TRIML2: variants seen among roughly 807,000 people sequenced by gnomAD.
TRIML2 encodes the protein tripartite motif family like 2.
A neutral mutation model predicts 31.2 loss-of-function variants in TRIML2; 28 were observed. The observed-to-expected ratio is 0.90, with a 90% CI of 0.66 to 1.23. TRIML2 has a LOEUF of 1.23. Ranked by LOEUF, TRIML2 falls within the 50% of genes most tolerant of loss-of-function variation. The pLI, the probability that TRIML2 is intolerant of heterozygous loss-of-function variation, is 0.00. For missense variants in TRIML2, 536 were observed against 528.3 expected (o/e 1.01, Z -0.14); for synonymous variants, 187 against 197.5 (o/e 0.95, Z 0.45).
At position 188,098,123 on chromosome 4, in the gene TRIML2, G is replaced by GGGC. The variant is rs1553995259; in HGVS notation, c.622-778_622-777insGCC. ...AGATAGAGCGAGACTCCGTCTCGGG[G>GGGC]AAAAAAAAAAAAAAAAAGGTAACCC... On this transcript the variant is annotated intron_variant, in intron 5 of 7. Transcript: ENST00000682553. The GGGC allele has an allele frequency of 1.7e-3, 357 of 209,474 alleles. 2 individuals are homozygous for GGGC. The highest frequency in any genetic ancestry group is 9.3e-3 in the African/African-American group (336 of 36,212). The allele number at this position is 209,474 out of a possible 1,614,324, so 13.0% of individuals were successfully genotyped here.
chr4:188,103,523 G>A (rs1298892007), intron 3 of TRIML2, among the ~76,000 whole-genome samples: 2 of 151,936 alleles, frequency 1.3e-5, no homozygotes, highest in Admixed American at 6.6e-5. Context: ...GCAGCCTCCA[G>A]GCCTTTCCTC....
chr4:188,106,713 AC>A, intron 1 of TRIML2: 1 of 171,868 alleles, frequency 5.8e-6, no homozygotes, highest in Non-Finnish European at 1.3e-5. Flanking sequence ...GGGCGAGGCC[AC>A]CCTGGACCAG....
intron 1 of TRIML2, chr4:188,106,852 G>A (rs1016749970): frequency 1.5e-5 from 4 of 261,988 alleles, no homozygotes; most frequent in Non-Finnish European, 3.2e-5. Context: ...TGAGCCGCGG[G>A]TGCGGTACCA....
intron 4 of TRIML2, among the ~76,000 whole-genome samples, chr4:188,099,456 C>T (rs1401623748): frequency 6.6e-6 from 1 of 151,688 alleles, no homozygotes; most frequent in African/African-American, 2.4e-5. Flanking sequence ...CCCAGCTACT[C>T]AGGAGGCTGA....
At chr4:188,100,394 T>G (rs1428655373) in intron 4 of TRIML2, among the ~76,000 whole-genome samples, 1 of 152,174 alleles carries the variant, frequency 6.6e-6, no homozygotes, top group African/African-American at 2.4e-5. Context: ...AGTAAACAGC[T>G]GGCTCAGATA....
intron 3 of TRIML2, among the ~76,000 whole-genome samples, chr4:188,102,113 G>A (rs1268582967): frequency 8.4e-5 from 12 of 143,072 alleles, no homozygotes; most frequent in African/African-American, 3.1e-4. Flanking sequence ...CTGGGCGACA[G>A]AGGGAGACTC....
Position 188,107,623 on chromosome 4 carries a change from T to A in TRIML2, c.-223+1620A>T, listed in dbSNP as rs143135604. Among the ~76,000 whole-genome samples, 543 of 152,370 alleles carry A rather than the reference T, an allele frequency of 3.6e-3. 6 individuals carry two copies. Among genetic ancestry groups the A allele is most frequent in the African/African-American group, 0.012 (518 of 41,586 alleles). On this transcript the variant is annotated intron_variant, in intron 1 of 7. Coordinates refer to ENST00000682553, the MANE Select transcript of TRIML2 (RefSeq NM_173553.4). ...AACTTTTGGATCATTGCCCACTGGC[T>A]GGGTGAGAAATAGTGTATTCATATA...
chr4:188,105,227 T>G lies in TRIML2; in HGVS notation c.142A>C (p.Lys48Gln). The change falls in exon 2 of 8, where the codon AAA becomes CAA. Residue 48 changes from lysine to glutamine, a missense_variant. Physicochemically the swap from Lys to Gln is moderately conservative, Grantham distance 53. Coordinates refer to ENST00000682553, the MANE Select transcript of TRIML2 (RefSeq NM_173553.4). ...CSKCFQSQEHKHHMVCGIQEA... is the reference protein window; with the variant it reads ...CSKCFQSQEHQHHMVCGIQEA... ...TGTATCCCACACACCATGTGATGTT[T>G]GTGCTCCTGGGACTGGAAGCATTTG... 5 of 1,611,168 alleles carry G rather than the reference T, an allele frequency of 3.1e-6. No homozygotes were observed. The highest frequency in any genetic ancestry group is 4.2e-6 in the Non-Finnish European group (5 of 1,177,460).
chr4:188,101,616 C>G (rs1270586966), intron 3 of TRIML2, among the ~76,000 whole-genome samples: 1 of 151,890 alleles, frequency 6.6e-6, no homozygotes, highest in Non-Finnish European at 1.5e-5. Context: ...ATCGCTTGAA[C>G]CTGGGAGGTG....
chr4:188,097,272 C>T, intron 6 of TRIML2, 52 bp downstream of exon 6: 1 of 1,607,250 alleles, frequency 6.2e-7, no homozygotes, highest in South Asian at 1.1e-5. Context: ...TCTCAATCAA[C>T]ATCTTACTGG....
At chr4:188,103,478 C>T (rs1264874829) in intron 3 of TRIML2, among the ~76,000 whole-genome samples, 1 of 152,034 alleles carries the variant, frequency 6.6e-6, no homozygotes, top group Non-Finnish European at 1.5e-5. Flanking sequence ...CACCTACAGC[C>T]CCCGTTTCCT....
chr4:188,096,175 G>T (rs899467007), intron 7 of TRIML2, among the ~76,000 whole-genome samples: 2 of 151,878 alleles, frequency 1.3e-5, no homozygotes, highest in African/African-American at 4.8e-5. Flanking sequence ...GAGGCGCGTG[G>T]ATCACCTGAG....
chr4:188,098,920 T>C, intron 5 of TRIML2, 115 bp downstream of exon 5: 1 of 1,211,580 alleles, frequency 8.3e-7, no homozygotes, highest in Non-Finnish European at 1.1e-6. Context: ...AGCCTTCTTT[T>C]GTGGTTGAAG....
intron 5 of TRIML2, chr4:188,098,782 G>A (rs965993232): frequency 2.7e-5 from 12 of 445,418 alleles, no homozygotes; most frequent in Non-Finnish European, 4.4e-5. Context: ...ACCACATTGT[G>A]TCACATCTCA....
In TRIML2 at chr4:188,097,309, A is replaced by C; in HGVS notation, c.644+15T>G. 6.2e-7 allele frequency: 1 copy of C among 1,613,786 alleles called. No homozygotes were observed. The highest frequency in any genetic ancestry group is 8.5e-7 in the Non-Finnish European group (1 of 1,179,710). ...CTCTGATTCTCACCCAATTGTATCC[A>C]AAATGAAAACTCACCTTTCTAAAGA... On this transcript the variant is annotated intron_variant, in intron 6 of 7. Coordinates refer to ENST00000682553, the MANE Select transcript of TRIML2 (RefSeq NM_173553.4).
At position 188,093,588 on chromosome 4, in the gene TRIML2, G is replaced by A. The variant is rs1215618759; in HGVS notation, c.746-1647C>T. On this transcript the variant is annotated intron_variant, in intron 7 of 7. Coordinates refer to ENST00000682553, the MANE Select transcript of TRIML2 (RefSeq NM_173553.4). The stretch of plus-strand genomic sequence containing the variant: ...GAGGCAGGAGCATCGCTTGCATCTG[G>A]GAGGCAGAGGTTGCAGTGAGCCGAG... 3.9e-5 allele frequency among the ~76,000 whole-genome samples: 6 copies of A among 152,212 alleles called. No homozygotes were observed. In the East Asian group the frequency reaches 1.2e-3, roughly 29 times the overall value.
intron 3 of TRIML2, among the ~76,000 whole-genome samples, chr4:188,104,605 C>T (rs1400162116): frequency 2.0e-5 from 3 of 152,224 alleles, no homozygotes; most frequent in South Asian, 2.1e-4. Context: ...TCAAGTGATC[C>T]GCCCTCCTCA....
rs959255554 is a variant in TRIML2 at position 188,105,316 on chromosome 4, T to C, written c.53A>G (p.Tyr18Cys). The C allele has an allele frequency of 1.9e-6, 3 of 1,607,226 alleles. No homozygotes were observed. The highest frequency in any genetic ancestry group is 2.7e-5 in the African/African-American group (2 of 74,984). Residue 18 changes from tyrosine to cysteine, a missense_variant, in exon 2 of 8, where the codon TAT (tyrosine) becomes TGT (cysteine). Physicochemically the swap from Tyr to Cys is radical, Grantham distance 194. Transcript: ENST00000682553. ...QLQHNITEDAYCETHLEPTRL... is the reference protein window; with the variant it reads ...QLQHNITEDACCETHLEPTRL... ...TGTTGGTTCCAGGTGTGTTTCACAATAGGCATCTTCTGTGATGTTGTGCTG... is the reference window on the plus strand; with the variant it reads ...TGTTGGTTCCAGGTGTGTTTCACAACAGGCATCTTCTGTGATGTTGTGCTG...
At chr4:188,100,808 T>C (rs1403409901) in intron 4 of TRIML2, among the ~76,000 whole-genome samples, 1 of 152,184 alleles carries the variant, frequency 6.6e-6, no homozygotes, top group Non-Finnish European at 1.5e-5. Flanking sequence ...TTTCTATGTG[T>C]GTAAGTATGT....
Sources: allele counts gnomAD v4.1 joint callset (sites outside exome capture counted in the v4.1 genomes callset), GRCh38; gene constraint gnomAD v4.1.1; transcripts MANE v1.5; gene names NCBI Gene and HGNC (gene_info 2026-07-23, HGNC 2026-07-21).